The following PDE4B variants were observed in gnomAD, a reference collection of about 807,000 sequenced individuals.
The protein encoded by PDE4B is phosphodiesterase 4B.
Under a neutral mutation model 82.2 loss-of-function variants are expected in PDE4B, and 20 were observed. That is an observed-to-expected ratio of 0.24 (90% CI 0.17 to 0.35). PDE4B has a LOEUF of 0.35. PDE4B is among the 10% of genes least tolerant of loss of function. PDE4B has a pLI of 1.00. For synonymous variants in PDE4B, 320 were observed against 318.9 expected (o/e 1.00, Z -0.04); for missense variants, 655 against 907.2 (o/e 0.72, Z 3.57).
intron 4 of PDE4B, among the ~76,000 whole-genome samples, chr1:66,252,255 A>G (rs1219080907): frequency 6.6e-6 from 1 of 152,220 alleles, no homozygotes; most frequent in Non-Finnish European, 1.5e-5. Flanking sequence ...TGTAAACTGT[A>G]AATATAACAT....
At chr1:66,066,752 G>A (rs1655870046) in intron 3 of PDE4B, among the ~76,000 whole-genome samples, 1 of 151,938 alleles carries the variant, frequency 6.6e-6, no homozygotes, top group African/African-American at 2.4e-5. Context: ...CATAGCACAT[G>A]AAGCCTATTA....
At chr1:66,303,396 T>G (rs1658048938) in intron 7 of PDE4B, among the ~76,000 whole-genome samples, 1 of 151,646 alleles carries the variant, frequency 6.6e-6, no homozygotes, top group Non-Finnish European at 1.5e-5. Flanking sequence ...AATGATTAAA[T>G]CAAGCTTGTT....
intron 3 of PDE4B, among the ~76,000 whole-genome samples, chr1:66,198,476 T>C (rs1648533773): frequency 6.6e-6 from 1 of 152,132 alleles, no homozygotes; most frequent in Non-Finnish European, 1.5e-5. Context: ...AAAGTGGCAT[T>C]TATTTTAAGT....
At chr1:65,978,061 C>A (rs1253710949) in intron 3 of PDE4B, among the ~76,000 whole-genome samples, 2 of 99,790 alleles carry the variant, frequency 2.0e-5, no homozygotes, top group East Asian at 5.5e-4. Context: ...GGGTTTTGCT[C>A]TTGTTGCCCA....
intron 3 of PDE4B, among the ~76,000 whole-genome samples, chr1:66,070,735 C>T (rs1043003227): frequency 6.6e-6 from 1 of 151,972 alleles, no homozygotes; most frequent in Admixed American, 6.6e-5. Context: ...CAGAGACATG[C>T]ACTTGAAGTG....
chr1:66,295,305 A>G (rs1184122405), intron 7 of PDE4B, among the ~76,000 whole-genome samples: 2 of 152,202 alleles, frequency 1.3e-5, no homozygotes, highest in Admixed American at 1.3e-4. Flanking sequence ...TCACAATAAA[A>G]CATATATTTT....
At chr1:65,967,699 A>T (rs1649912116) in intron 3 of PDE4B, among the ~76,000 whole-genome samples, 1 of 152,196 alleles carries the variant, frequency 6.6e-6, no homozygotes, top group African/African-American at 2.4e-5. Flanking sequence ...ATAAAAAAGG[A>T]TGAGTTCATG....
intron 1 of PDE4B, among the ~76,000 whole-genome samples, chr1:65,796,950 GA>G (rs1645638236): frequency 8.0e-6 from 1 of 124,320 alleles, no homozygotes; most frequent in South Asian, 2.8e-4. Flanking sequence ...TGTCTAGCCT[GA>G]AACATTTTTT....
At chr1:66,124,474 C>T (rs375678242) in intron 3 of PDE4B, among the ~76,000 whole-genome samples, 2 of 152,124 alleles carry the variant, frequency 1.3e-5, no homozygotes, top group African/African-American at 4.8e-5. Flanking sequence ...GTTAGAATGA[C>T]GGAATGTGTT....
At position 66,372,533 on chromosome 1, in the gene PDE4B, C is replaced by T. The variant is rs370754936; in HGVS notation, c.2066C>T (p.Ser689Phe). ...QFELTLDEED[S>F]EGPEKEGEGH... ...GAACTGACTCTCGATGAGGAAGATT[C>T]TGAAGGACCTGAGAAGGAGGGAGAG... is the stretch of plus-strand genomic sequence containing the variant. The change falls in exon 17 of 17, where the codon TCT becomes TTT. Residue 689 changes from serine (S) to phenylalanine (F), a missense_variant. This residue lies in a region of PDE4B where 119 missense variants were observed against 115.2 expected (regional missense o/e 1.03). Coordinates refer to ENST00000341517, the MANE Select transcript of PDE4B (RefSeq NM_002600.4). 11 of 1,613,998 alleles carry T rather than the reference C, an allele frequency of 6.8e-6. No homozygotes were observed. In the African/African-American group the frequency reaches 9.3e-5, roughly 14 times the overall value.
At chr1:66,356,876 G>A (rs1205056039) in intron 9 of PDE4B, among the ~76,000 whole-genome samples, 1 of 152,158 alleles carries the variant, frequency 6.6e-6, no homozygotes, top group Non-Finnish European at 1.5e-5. Flanking sequence ...CTTTGTCAGA[G>A]AACAAAGGAG....
rs576767615 is a variant in PDE4B at position 66,190,274 on chromosome 1, G to A, written c.282-57186G>A. 2.0e-4 allele frequency among the ~76,000 whole-genome samples: 31 copies of A among 152,252 alleles called. No individual in the cohort carries two copies. In the East Asian group the frequency reaches 2.1e-3, roughly 10 times the overall value. ...GGGGTGCCTCCCAGTTAGGCTACTC[G>A]GGGGTCAAGGACCCACTTGAGGAGG... On this transcript the variant is annotated intron_variant, in intron 3 of 16. Coordinates refer to ENST00000341517, the MANE Select transcript of PDE4B (RefSeq NM_002600.4).
chr1:66,019,501 GTGCATTGAAA>G (rs1228806389), intron 3 of PDE4B, among the ~76,000 whole-genome samples: 2 of 151,652 alleles, frequency 1.3e-5, no homozygotes, highest in Non-Finnish European at 1.5e-5. Flanking sequence ...GACTACAGGT[GTGCATTGAAA>G]TGCCTGGCTC....
At chr1:66,115,555 A>C (rs916278533) in intron 3 of PDE4B, among the ~76,000 whole-genome samples, 2 of 152,242 alleles carry the variant, frequency 1.3e-5, no homozygotes, top group Non-Finnish European at 2.9e-5. Context: ...AGACCCTAGG[A>C]AATTGATAAT....
At chr1:66,038,642 T>C (rs548074965) in intron 3 of PDE4B, among the ~76,000 whole-genome samples, 28 of 152,162 alleles carry the variant, frequency 1.8e-4, no homozygotes, top group Non-Finnish European at 3.7e-4. Flanking sequence ...GGTCACAGTT[T>C]AGTGCTTTCC....
intron 7 of PDE4B, among the ~76,000 whole-genome samples, chr1:66,327,056 T>A (rs1042903434): frequency 8.5e-5 from 13 of 152,206 alleles, no homozygotes; most frequent in South Asian, 2.1e-4. Context: ...TGCTAAAATG[T>A]GTCCCCATGT....
intron 3 of PDE4B, among the ~76,000 whole-genome samples, chr1:66,173,479 G>A (rs1174565093): frequency 2.0e-5 from 3 of 152,208 alleles, no homozygotes; most frequent in African/African-American, 7.2e-5. Flanking sequence ...ACTCAAGCAA[G>A]TGCTGCTAAA....
chr1:66,163,441 G>A (rs185842524), intron 3 of PDE4B, among the ~76,000 whole-genome samples: 61 of 152,054 alleles, frequency 4.0e-4, no homozygotes, highest in Non-Finnish European at 5.3e-4. Flanking sequence ...GTAATTATTA[G>A]TACTATTAAT....
chr1:66,173,766 G>C (rs946196865), intron 3 of PDE4B, among the ~76,000 whole-genome samples: 1 of 152,092 alleles, frequency 6.6e-6, no homozygotes, highest in African/African-American at 2.4e-5. Context: ...GAGCTAATTT[G>C]ACTTACTTGG....
Sources: allele counts gnomAD v4.1 joint callset (sites outside exome capture counted in the v4.1 genomes callset), GRCh38; gene constraint gnomAD v4.1.1; regional missense constraint gnomAD v4.1.1; transcripts MANE v1.5; gene names NCBI Gene and HGNC (gene_info 2026-07-23, HGNC 2026-07-21).